Variants in GPAA1 observed in about 807,000 individuals in gnomAD.
The protein encoded by GPAA1 is glycosylphosphatidylinositol anchor attachment 1, also known as GPI-anchor transamidase component GPAA1.
Under a neutral mutation model 64.0 loss-of-function variants are expected in GPAA1, and 54 were observed. That is an observed-to-expected ratio of 0.84 (90% confidence interval 0.68 to 1.06). The LOEUF (loss-of-function observed/expected upper bound fraction) is 1.06, where lower values mean the gene tolerates loss of function less well. Among genes scored for constraint, GPAA1 ranks in the 50% least tolerant of loss-of-function variants. The probability of loss-of-function intolerance (pLI) is 0.00; values close to 1 mark genes in which losing one functional copy is unlikely to be tolerated. For missense variants in GPAA1, 780 were observed against 822.3 expected (o/e 0.95, Z 0.63); for synonymous variants, 393 against 377.3 (o/e 1.04, Z -0.48).
In GPAA1 at chr8:144,082,670, G is replaced by T; in HGVS notation, c.-61G>T. ...CCCGGGTCTGACAGGAGCAGCCTGT[G>T]GGCACCGCGGCGGTAGTTGGAGGCG... On this transcript the variant is annotated 5_prime_UTR_variant, in exon 1 of 12. Transcript: ENST00000355091. 1 of 1,267,834 alleles carries T rather than the reference G, an allele frequency of 7.9e-7. No individual in the cohort carries two copies. The highest frequency in any genetic ancestry group is 1.0e-6 in the Non-Finnish European group (1 of 958,508). 78.5% of individuals were successfully genotyped at this position (1,267,834 alleles called of 1,614,324 possible). A position where few individuals can be genotyped will look rare whatever the true frequency, so the allele number is the denominator to read the frequency against.
rs782302832 is a variant in GPAA1, at chr8:144,085,447, A to T, written c.1419A>T (p.Ala473=). The stretch of plus-strand genomic sequence containing the variant: ...TGCTGACACTGCTGGCGATTTATGC[A>T]GCTGGCCTGGCCCTGCCCCACAATA... ...AVVLTLLAIY[A]AGLALPHNTH... is the part of the protein sequence containing the mutation. The change falls in exon 10 of 12, where the codon GCA becomes GCT. Residue 473 remains alanine, a synonymous_variant. Coordinates refer to ENST00000355091, the MANE Select transcript of GPAA1 (RefSeq NM_003801.4). 6.2e-7 allele frequency: 1 copy of T among 1,603,932 alleles called. No individual in the cohort carries two copies. Among genetic ancestry groups the T allele is most frequent in the South Asian group, 1.1e-5 (1 of 91,082 alleles).
chr8:144,083,247 C>A lies in GPAA1; in HGVS notation c.198C>A (p.Gly66=), dbSNP rs1194414994. The part of the protein sequence containing the change: ...GSTMVEEQFA[G]GDRARAFARD... ...CCATGGTGGAGGAGCAGTTTGCGGGCGGAGACCGTGCCCGGGCTTTTGCCC... is the reference window on the plus strand; with the variant it reads ...CCATGGTGGAGGAGCAGTTTGCGGGAGGAGACCGTGCCCGGGCTTTTGCCC... The change falls in exon 2 of 12, where the codon GGC becomes GGA. Residue 66 remains glycine (G), a synonymous_variant. Transcript: ENST00000355091. The A allele has an allele frequency of 3.1e-6, 5 of 1,607,104 alleles. No individual in the cohort carries two copies. In the South Asian group the frequency reaches 4.4e-5, roughly 14 times the overall value.
In GPAA1 at chr8:144,084,399, C is replaced by T; in HGVS notation, c.814-14C>T. ...GTGGGAGGGGCTGTCTCATCCTGTCCTGCACCTCTAAAGCTGCAGCCCGAG... is the reference window on the plus strand; with the variant it reads ...GTGGGAGGGGCTGTCTCATCCTGTCTTGCACCTCTAAAGCTGCAGCCCGAG... On this transcript the variant is annotated splice_polypyrimidine_tract_variant and intron_variant, in intron 6 of 11. Transcript: ENST00000355091. 6.2e-7 allele frequency: 1 copy of T among 1,611,588 alleles called. No individual in the cohort carries two copies. The highest frequency in any genetic ancestry group is 8.5e-7 in the Non-Finnish European group (1 of 1,178,730).
chr8:144,084,418 G>T lies in GPAA1; in HGVS notation c.819G>T (p.Gln273His), dbSNP rs782281662. The change falls in exon 7 of 12, where the codon CAG (glutamine) becomes CAT (histidine). Residue 273 changes from glutamine (Q) to histidine (H), a missense_variant. Physicochemically the swap from Gln to His is conservative, Grantham distance 24. Coordinates refer to ENST00000355091, the MANE Select transcript of GPAA1 (RefSeq NM_003801.4). ...GLLCTLQGKL[Q>H]PEDWTSLDGP... ...CCTGTCCTGCACCTCTAAAGCTGCA[G>T]CCCGAGGACTGGACATCATTGGATG... 7.4e-6 allele frequency: 12 copies of T among 1,611,508 alleles called. No homozygotes were observed. In the South Asian group the frequency reaches 1.2e-4, roughly 16 times the overall value.
intron 3 of GPAA1, 84 bp from the exon 4 acceptor site, chr8:144,083,630 G>A: frequency 6.8e-7 from 1 of 1,460,290 alleles, no homozygotes; most frequent in Non-Finnish European, 9.4e-7. Context: ...GGTGGGCACT[G>A]GAGGGCTAGG....
chr8:144,082,875 C>G (rs1835931730), intron 1 of GPAA1, 71 bp downstream of exon 1: 2 of 1,213,746 alleles, frequency 1.6e-6, no homozygotes, highest in South Asian at 1.9e-5. Context: ...ATGCGCGGTC[C>G]CCATCGAGGG....
rs376830006 is a variant in GPAA1, at chr8:144,085,400, G to A, written c.1372G>A (p.Val458Met). ...GQHVATQHFP[V>M]AEAEAVVLTL... ...ACACGTTGCCACCCAGCACTTCCCA[G>A]TGGCAGAGGCTGAGGCTGTGGTGCT... is the stretch of plus-strand genomic sequence containing the variant. Residue 458 changes from valine to methionine, a missense_variant, in exon 10 of 12, where the codon GTG becomes ATG. Coordinates refer to ENST00000355091, the MANE Select transcript of GPAA1 (RefSeq NM_003801.4). The A allele has an allele frequency of 3.7e-6, 6 of 1,606,976 alleles. No homozygotes were observed. The highest frequency in any genetic ancestry group is 1.3e-5 in the African/African-American group (1 of 74,932).
intron 7 of GPAA1, 23 bp from the exon 8 acceptor site, chr8:144,084,699 T>C: frequency 1.2e-6 from 2 of 1,612,768 alleles, no homozygotes; most frequent in Non-Finnish European, 8.5e-7. Flanking sequence ...TGGCCAGCCG[T>C]GAACCTGCCC....
At position 144,083,298 on chromosome 8, in the gene GPAA1, G is replaced by A. The variant is rs530922900; in HGVS notation, c.249G>A (p.Lys83=). ...GGGACTTCGCCGCCCACCGCAAGAAGTCGGGGTGAGCGGCAGAGCAGGGCG... is the reference window on the plus strand; with the variant it reads ...GGGACTTCGCCGCCCACCGCAAGAAATCGGGGTGAGCGGCAGAGCAGGGCG... The part of the protein sequence containing the change: ...FARDFAAHRK[K]SGALPVAWLE... Residue 83 remains lysine, a synonymous_variant, in exon 2 of 12, where the codon AAG becomes AAA. Transcript: ENST00000355091. 6.2e-6 allele frequency: 10 copies of A among 1,604,950 alleles called. No homozygotes were observed. Among genetic ancestry groups the A allele is most frequent in the Non-Finnish European group, 8.5e-6 (10 of 1,174,150 alleles).
At position 144,084,419 on chromosome 8, in the gene GPAA1, C is replaced by A. The variant is rs1554764046; in HGVS notation, c.820C>A (p.Pro274Thr). 1.2e-6 allele frequency: 2 copies of A among 1,611,386 alleles called. No individual in the cohort carries two copies. The highest frequency in any genetic ancestry group is 2.2e-5 in the South Asian group (2 of 91,038). ...LLCTLQGKLQ[P>T]EDWTSLDGPL... ...CTGTCCTGCACCTCTAAAGCTGCAG[C>A]CCGAGGACTGGACATCATTGGATGG... Residue 274 changes from proline to threonine, a missense_variant, in exon 7 of 12, where the codon CCC becomes ACC. By Grantham distance (38) the Pro-to-Thr change is conservative (BLOSUM62 -1). Coordinates refer to ENST00000355091, the MANE Select transcript of GPAA1 (RefSeq NM_003801.4).
chr8:144,084,434 T>C lies in GPAA1; in HGVS notation c.835T>C (p.Ser279Pro), dbSNP rs1835960463. 1 of 1,612,540 alleles carries C rather than the reference T, an allele frequency of 6.2e-7. No homozygotes were observed. Residue 279 changes from serine to proline, a missense_variant, in exon 7 of 12, where the codon TCA becomes CCA. Physicochemically the swap from Ser to Pro is moderately conservative, Grantham distance 74 (BLOSUM62 -1). Transcript: ENST00000355091. ...QGKLQPEDWT[S>P]LDGPLQGLQT... ...AAAGCTGCAGCCCGAGGACTGGACA[T>C]CATTGGATGGACCGCTGCAGGGCCT...
Position 144,085,968 on chromosome 8 carries a change from C to T in GPAA1, c.1709C>T (p.Ala570Val), listed in dbSNP as rs782774305. ...SLFLWRELQE[A>V]PLSLAEGWQL... ...TTCCTGTGGCGGGAGCTGCAGGAGG[C>T]GCCACTGTCACTGGCCGAGGGCTGG... Residue 570 changes from alanine (A) to valine (V), a missense_variant, in exon 12 of 12, where the codon GCG (alanine) becomes GTG (valine). Transcript: ENST00000355091. 1.4e-5 allele frequency: 22 copies of T among 1,606,252 alleles called. No homozygotes were observed. The highest frequency in any genetic ancestry group is 1.3e-4 in the African/African-American group (10 of 74,930).
chr8:144,085,339 G>T lies in GPAA1; in HGVS notation c.1311G>T (p.Met437Ile). The T allele has an allele frequency of 6.2e-7, 1 of 1,610,546 alleles. No homozygotes were observed. The highest frequency in any genetic ancestry group is 1.1e-5 in the South Asian group (1 of 90,946). Residue 437 changes from methionine (M) to isoleucine (I), a missense_variant, in exon 10 of 12, where the codon ATG becomes ATT. Coordinates refer to ENST00000355091, the MANE Select transcript of GPAA1 (RefSeq NM_003801.4). ...CACCTCTGCTGATCTCACAGGCCAT[G>T]GGACTGGCCCTCTATGTCCTGCCAG... ...LVAPLLISQA[M>I]GLALYVLPVL...
intron 1 of GPAA1, 125 bp downstream of exon 1, chr8:144,082,929 C>T (rs2129937473): frequency 1.1e-6 from 1 of 901,446 alleles, no homozygotes; most frequent in Middle Eastern, 3.6e-4. Context: ...CTGCTCGCGC[C>T]CTTCCGCTCC....
chr8:144,084,684 G>T, intron 7 of GPAA1, 38 bp from the exon 8 acceptor site: 1 of 1,610,206 alleles, frequency 6.2e-7, no homozygotes, highest in Non-Finnish European at 8.5e-7. Context: ...ATGGCCTGGT[G>T]GCTCTGGCCA....
Position 144,086,189 on chromosome 8 carries a change from A to G in GPAA1, c.*64A>G. ...ACCCCATTCTGCCTCCTTCTGGGGA[A>G]ATAAATGAGTGTCTGTTTCAGCAGC... On this transcript the variant is annotated 3_prime_UTR_variant, in exon 12 of 12. Transcript: ENST00000355091. The G allele has an allele frequency of 6.5e-7, 1 of 1,535,308 alleles. No individual in the cohort carries two copies. The highest frequency in any genetic ancestry group is 8.9e-7 in the Non-Finnish European group (1 of 1,127,964).
intron 3 of GPAA1, 31 bp from the exon 4 acceptor site, chr8:144,083,683 C>G (rs200752878): frequency 4.2e-4 from 659 of 1,586,916 alleles, no homozygotes; most frequent in Non-Finnish European, 4.8e-4. Flanking sequence ...CAAAGTTACA[C>G]TGAGGCTCCC....
In GPAA1 at chr8:144,084,943, G is replaced by C. The variant is rs1222198691; in HGVS notation, c.1164+68G>C. The C allele has an allele frequency of 1.9e-6, 3 of 1,581,244 alleles. No individual in the cohort carries two copies. The African/African-American group carries it at 4.0e-5, about 21-fold the overall frequency. Reference sequence around the variant, plus strand: ...TCTCCTCAACTCTAGGCTGGGGAGAGTCTTCCATCCTGATGGGGGGTGGGG... The same window carrying C: ...TCTCCTCAACTCTAGGCTGGGGAGACTCTTCCATCCTGATGGGGGGTGGGG... On this transcript the variant is annotated intron_variant, in intron 8 of 11. Coordinates refer to ENST00000355091, the MANE Select transcript of GPAA1 (RefSeq NM_003801.4).
Position 144,083,140 on chromosome 8 carries a change from G to C in GPAA1, c.91G>C (p.Ala31Pro). The stretch of plus-strand genomic sequence containing the variant: ...CTCTCACAGCGTGCTGAGCTACGTG[G>C]CGGGCATCGCCTGGTTCTTGGCGCT... ...NAPLCVLSYV[A>P]GIAWFLALVF... The change falls in exon 2 of 12, where the codon GCG becomes CCG. Residue 31 changes from alanine to proline, a missense_variant. Ala to Pro is a conservative substitution (Grantham distance 27). Coordinates refer to ENST00000355091, the MANE Select transcript of GPAA1 (RefSeq NM_003801.4). 2 of 1,612,240 alleles carry C rather than the reference G, an allele frequency of 1.2e-6. No individual in the cohort carries two copies. The highest frequency in any genetic ancestry group is 1.7e-6 in the Non-Finnish European group (2 of 1,179,806).
Sources: gnomAD v4.1 joint callset for allele counts on GRCh38, gnomAD v4.1.1 for gene constraint, MANE v1.5 for transcripts, NCBI Gene and HGNC (gene_info 2026-07-23, HGNC 2026-07-21) for gene names.